CNTN3: variants seen among roughly 807,000 people sequenced by gnomAD.
The protein encoded by CNTN3 is contactin-3.
A neutral mutation model predicts 119.1 loss-of-function variants in CNTN3; 60 were observed. The observed-to-expected ratio is 0.50, with a 90% CI of 0.41 to 0.62. The LOEUF is 0.62. CNTN3 is among the 20% of genes least tolerant of loss of function. The pLI is 0.00. For synonymous variants in CNTN3, 450 were observed against 438.7 expected (o/e 1.03, Z -0.32); for missense variants, 1,101 against 1,242.4 (o/e 0.89, Z 1.71).
At position 74,582,309 on chromosome 3, in the gene CNTN3, G is replaced by A. The variant is rs1232604318; in HGVS notation, c.-81+32082C>T. On this transcript the variant is annotated intron_variant, in intron 1 of 22. Transcript: ENST00000263665. Reference sequence around the variant, plus strand: ...TAGTCCCAGCTACTTGAGAGGCTGAGGCAGGAGAACGGCATGAACCCGGGA... The same window carrying A: ...TAGTCCCAGCTACTTGAGAGGCTGAAGCAGGAGAACGGCATGAACCCGGGA... Among the ~76,000 whole-genome samples the A allele has an allele frequency of 2.0e-5, 3 of 151,954 alleles. No homozygotes were observed. The East Asian group carries it at 5.8e-4, about 29-fold the overall frequency.
At chr3:74,415,055 G>C (rs1575703061) in intron 5 of CNTN3, among the ~76,000 whole-genome samples, 2 of 151,954 alleles carry the variant, frequency 1.3e-5, no homozygotes, top group South Asian at 2.1e-4. Context: ...ACTATCTCTC[G>C]AACAGTAGAT....
chr3:74,334,624 C>T lies in CNTN3; in HGVS notation c.1668+111G>A, dbSNP rs1026107116. On this transcript the variant is annotated intron_variant, in intron 13 of 22. Coordinates refer to ENST00000263665, the MANE Select transcript of CNTN3 (RefSeq NM_020872.3). ...ACTGAGAACCACTCAACCAAAACCA[C>T]TTATTTAGAAAACATTTCTAGAGCA... The T allele has an allele frequency of 4.0e-6, 4 of 993,258 alleles. No homozygotes were observed. The African/African-American group carries it at 4.9e-5, about 12-fold the overall frequency. 61.5% of individuals were successfully genotyped at this position (993,258 alleles called of 1,614,324 possible).
chr3:74,302,050 T>C (rs776473313), intron 14 of CNTN3, among the ~76,000 whole-genome samples: 5 of 152,210 alleles, frequency 3.3e-5, no homozygotes, highest in African/African-American at 7.2e-5. Flanking sequence ...ACCATAATAC[T>C]CTCTGATTGC....
At position 74,282,715 on chromosome 3, in the gene CNTN3, T is replaced by C. The variant is rs1045719977; in HGVS notation, c.2704+2590A>G. On this transcript the variant is annotated intron_variant, in intron 20 of 22. Transcript: ENST00000263665. ...TTAAATAGGATTTGCAGTTAAACCA[T>C]GTCAAAGCTTAGGAAGACTATTTAG... Among the ~76,000 whole-genome samples, 2 of 151,902 alleles carry C rather than the reference T, an allele frequency of 1.3e-5. 1 individual carries two copies. The highest frequency in any genetic ancestry group is 3.9e-4 in the East Asian group (2 of 5,176).
At chr3:74,527,273 T>C (rs950628138) in intron 1 of CNTN3, among the ~76,000 whole-genome samples, 1 of 151,946 alleles carries the variant, frequency 6.6e-6, no homozygotes, top group Non-Finnish European at 1.5e-5. Flanking sequence ...GTTTAAATAA[T>C]GAGATTGTTT....
chr3:74,403,203 G>A (rs1291338527), intron 5 of CNTN3, among the ~76,000 whole-genome samples: 3 of 152,090 alleles, frequency 2.0e-5, no homozygotes, highest in Admixed American at 6.6e-5. Context: ...GTGGAAACAG[G>A]AAATCAAATA....
intron 5 of CNTN3, among the ~76,000 whole-genome samples, chr3:74,374,925 A>G (rs920469246): frequency 6.6e-6 from 1 of 152,204 alleles, no homozygotes; most frequent in Non-Finnish European, 1.5e-5. Context: ...CAACCATTCA[A>G]TGCAAAATTT....
intron 1 of CNTN3, among the ~76,000 whole-genome samples, chr3:74,609,502 C>T (rs905448948): frequency 2.8e-4 from 43 of 152,070 alleles, no homozygotes; most frequent in Non-Finnish European, 7.4e-5. Flanking sequence ...TTGATGACCC[C>T]AATGATAGCT....
intron 11 of CNTN3, among the ~76,000 whole-genome samples, chr3:74,352,340 T>C (rs1190369025): frequency 2.0e-5 from 3 of 152,206 alleles, no homozygotes; most frequent in Admixed American, 1.3e-4. Context: ...CTCTGCTTCT[T>C]ACTGGTTTAA....
At chr3:74,320,833 C>T (rs1311563261) in intron 13 of CNTN3, among the ~76,000 whole-genome samples, 1 of 151,952 alleles carries the variant, frequency 6.6e-6, no homozygotes, top group African/African-American at 2.4e-5. Flanking sequence ...GTATGCCAGC[C>T]TCCTCTGATA....
rs543533687 is a variant in CNTN3, at chr3:74,555,748, C to T, written c.-80-34556G>A. Among the ~76,000 whole-genome samples, 5 of 152,190 alleles carry T rather than the reference C, an allele frequency of 3.3e-5. 1 individual carries two copies. Among genetic ancestry groups the T allele is most frequent in the East Asian group, 3.9e-4 (2 of 5,182 alleles). On this transcript the variant is annotated intron_variant, in intron 1 of 22. Transcript: ENST00000263665. Reference sequence around the variant, plus strand: ...ATGGTAGTTGGTATTTCCATGGGATCGGTGATGATATCCCCTTTATCATTT... The same window carrying T: ...ATGGTAGTTGGTATTTCCATGGGATTGGTGATGATATCCCCTTTATCATTT...
At chr3:74,519,288 T>C (rs997356273) in intron 2 of CNTN3, among the ~76,000 whole-genome samples, 16 of 151,844 alleles carry the variant, frequency 1.1e-4, no homozygotes, top group African/African-American at 3.9e-4. Context: ...TTTACCACCA[T>C]ATCTAGAGAA....
chr3:74,467,206 G>A (rs963526903), intron 4 of CNTN3, among the ~76,000 whole-genome samples: 4 of 151,940 alleles, frequency 2.6e-5, no homozygotes, highest in Admixed American at 6.6e-5. Context: ...AGAAAAAAAT[G>A]ATATTGGATA....
chr3:74,359,012 G>T (rs566900801), intron 11 of CNTN3, among the ~76,000 whole-genome samples: 2 of 151,946 alleles, frequency 1.3e-5, no homozygotes, highest in Admixed American at 1.3e-4. Flanking sequence ...GTCTATCATT[G>T]TTGGACATTT....
intron 2 of CNTN3, among the ~76,000 whole-genome samples, chr3:74,520,111 C>G (rs969075179): frequency 6.6e-6 from 1 of 151,374 alleles, no homozygotes; most frequent in African/African-American, 2.4e-5. Flanking sequence ...TTAGGTTCCT[C>G]AGGTATCATG....
At chr3:74,368,678 T>G (rs1382624647) in intron 8 of CNTN3, among the ~76,000 whole-genome samples, 3 of 152,100 alleles carry the variant, frequency 2.0e-5, no homozygotes, top group South Asian at 4.1e-4. Flanking sequence ...TGATTGCAAA[T>G]TAAAGGCAGC....
chr3:74,429,965 C>CA (rs1701756126), intron 4 of CNTN3, among the ~76,000 whole-genome samples: 1 of 152,056 alleles, frequency 6.6e-6, no homozygotes, highest in Non-Finnish European at 1.5e-5. Flanking sequence ...TACCTAAAAA[C>CA]AAAAAACAAA....
At chr3:74,365,485 G>A (rs559831049) in intron 9 of CNTN3, 81 bp downstream of exon 9, 628 of 1,568,480 alleles carry the variant, frequency 4.0e-4, no homozygotes, top group Non-Finnish European at 4.6e-4. Context: ...AGGGACTAAA[G>A]AAAGCATTTG....
At chr3:74,546,189 G>T (rs1703913052) in intron 1 of CNTN3, among the ~76,000 whole-genome samples, 1 of 151,946 alleles carries the variant, frequency 6.6e-6, no homozygotes, top group Admixed American at 6.6e-5. Flanking sequence ...TAGAGACAGG[G>T]TTTCACCGTG....
Sources: gnomAD v4.1 joint callset for allele counts (sites outside exome capture counted in the v4.1 genomes callset) on GRCh38, gnomAD v4.1.1 for gene constraint, MANE v1.5 for transcripts, NCBI Gene and HGNC (gene_info 2026-07-23, HGNC 2026-07-21) for gene names.